The following MNAT1 variants were observed in gnomAD, a reference collection of about 807,000 sequenced individuals.
MNAT1 encodes the protein CDK-activating kinase assembly factor MAT1.
Under a neutral mutation model 42.0 loss-of-function variants are expected in MNAT1, and 43 were observed. The ratio of observed to expected loss-of-function variants is 1.02; its 90% CI spans 0.80 to 1.32. The LOEUF (loss-of-function observed/expected upper bound fraction) is 1.32, where lower values mean the gene tolerates loss of function less well. Ranked by LOEUF, MNAT1 falls within the 40% of genes most tolerant of loss-of-function variation. MNAT1 has a pLI of 0.00. For missense variants in MNAT1, 306 were observed against 350.4 expected, an observed-to-expected ratio of 0.87 and a Z score of 1.01; for synonymous variants, 118 against 120.0, an observed-to-expected ratio of 0.98 and a Z score of 0.11.
At chr14:60,871,685 C>T (rs941658429) in intron 6 of MNAT1, among the ~76,000 whole-genome samples, 3 of 151,606 alleles carry the variant, frequency 2.0e-5, no homozygotes, top group East Asian at 1.9e-4. Context: ...TGCAATGGTG[C>T]GATCTCGGCT....
At chr14:60,743,328 G>A (rs191844571) in intron 1 of MNAT1, among the ~76,000 whole-genome samples, 53 of 150,316 alleles carry the variant, frequency 3.5e-4, no homozygotes, top group African/African-American at 1.2e-3. Context: ...TTGCTCTGTC[G>A]CCCAGGCTGG....
chr14:60,832,269 TG>T (rs1182419327), intron 6 of MNAT1, among the ~76,000 whole-genome samples: 1 of 152,210 alleles, frequency 6.6e-6, no homozygotes, highest in Non-Finnish European at 1.5e-5. Flanking sequence ...ATGTCCTAAA[TG>T]ATATTACCTA....
intron 6 of MNAT1, among the ~76,000 whole-genome samples, chr14:60,862,240 G>T (rs1168337434): frequency 6.6e-6 from 1 of 152,156 alleles, no homozygotes; most frequent in Non-Finnish European, 1.5e-5. Context: ...TAAATATTAA[G>T]CAAGGAGAGT....
intron 6 of MNAT1, among the ~76,000 whole-genome samples, chr14:60,876,281 A>T (rs2139457972): frequency 6.6e-6 from 1 of 152,204 alleles, no homozygotes; most frequent in Non-Finnish European, 1.5e-5. Context: ...AAGGCTGTGG[A>T]ACATGGAGGT....
intron 6 of MNAT1, among the ~76,000 whole-genome samples, chr14:60,841,956 C>T (rs1236005973): frequency 1.3e-5 from 2 of 152,148 alleles, no homozygotes; most frequent in Non-Finnish European, 2.9e-5. Flanking sequence ...TTGTTTAATA[C>T]GTTGCTTTCC....
chr14:60,770,272 T>G (rs1299638476), intron 1 of MNAT1, among the ~76,000 whole-genome samples: 1 of 152,192 alleles, frequency 6.6e-6, no homozygotes, highest in African/African-American at 2.4e-5. Context: ...TTTCCTTTTT[T>G]AAAAGGTGCA....
At chr14:60,921,288 G>A (rs934115111) in intron 7 of MNAT1, among the ~76,000 whole-genome samples, 6 of 152,198 alleles carry the variant, frequency 3.9e-5, no homozygotes, top group Non-Finnish European at 7.4e-5. Flanking sequence ...AGTTATCTTG[G>A]AGTCACATGT....
At chr14:60,796,193 T>A (rs2032013309) in intron 1 of MNAT1, 24 bp from the exon 2 acceptor site, 1 of 1,596,502 alleles carries the variant, frequency 6.3e-7, no homozygotes. Context: ...GCTTAAATGT[T>A]ATGTTTTATT....
At chr14:60,795,778 G>A (rs970878604) in intron 1 of MNAT1, among the ~76,000 whole-genome samples, 1 of 152,098 alleles carries the variant, frequency 6.6e-6, no homozygotes, top group Non-Finnish European at 1.5e-5. Context: ...TTCTTACAAG[G>A]AAAGGAAGAA....
At chr14:60,886,497 G>A (rs2034673936) in intron 7 of MNAT1, among the ~76,000 whole-genome samples, 1 of 151,550 alleles carries the variant, frequency 6.6e-6, no homozygotes, top group South Asian at 2.1e-4. Flanking sequence ...TTAATCTTTT[G>A]ATTAGCCTTT....
chr14:60,809,716 A>G (rs528635024), intron 4 of MNAT1, among the ~76,000 whole-genome samples: 6 of 152,166 alleles, frequency 3.9e-5, no homozygotes, highest in African/African-American at 1.4e-4. Context: ...CTGCTTGGTT[A>G]TGTTGTATGA....
chr14:60,776,492 C>T (rs1191481359), intron 1 of MNAT1, among the ~76,000 whole-genome samples: 6 of 151,932 alleles, frequency 3.9e-5, no homozygotes, highest in Admixed American at 3.9e-4. Flanking sequence ...TGAGGATGTT[C>T]AAGTTGCCAA....
intron 6 of MNAT1, among the ~76,000 whole-genome samples, chr14:60,835,314 C>T (rs905690438): frequency 5.9e-5 from 9 of 152,064 alleles, no homozygotes; most frequent in Non-Finnish European, 1.2e-4. Context: ...TTATTTTGCC[C>T]GTTAGTTGAG....
intron 7 of MNAT1, among the ~76,000 whole-genome samples, chr14:60,942,416 G>C (rs1159008301): frequency 2.7e-5 from 4 of 150,820 alleles, no homozygotes; most frequent in African/African-American, 4.9e-5. Context: ...TCACAAGAAA[G>C]GGGCCCTTAT....
chr14:60,891,771 A>G (rs2034850541), intron 7 of MNAT1, among the ~76,000 whole-genome samples: 1 of 151,924 alleles, frequency 6.6e-6, no homozygotes, highest in African/African-American at 2.4e-5. Flanking sequence ...CTTGTTTTTT[A>G]ATGTTAGCAC....
chr14:60,742,241 AC>A (rs1339273658), intron 1 of MNAT1, among the ~76,000 whole-genome samples: 1 of 151,942 alleles, frequency 6.6e-6, no homozygotes. Flanking sequence ...GTGCACTGCC[AC>A]AGCCAGCTAA....
At chr14:60,922,707 G>C (rs900059956) in intron 7 of MNAT1, among the ~76,000 whole-genome samples, 1 of 152,076 alleles carries the variant, frequency 6.6e-6, no homozygotes, top group East Asian at 1.9e-4. Context: ...TTCTCTTAAG[G>C]CTAGGAAATA....
intron 7 of MNAT1, among the ~76,000 whole-genome samples, chr14:60,907,435 CAAAA>C (rs35266802): frequency 7.7e-5 from 5 of 65,082 alleles, no homozygotes; most frequent in Non-Finnish European, 9.8e-5. Flanking sequence ...TCTGTCTCAC[CAAAA>C]AAAAAAAAAA....
intron 7 of MNAT1, among the ~76,000 whole-genome samples, chr14:60,945,968 C>CT (rs1373446846): frequency 1.3e-5 from 2 of 152,202 alleles, no homozygotes; most frequent in African/African-American, 4.8e-5. Flanking sequence ...AAGCCACACT[C>CT]TAACTATAAA....
Sources: gnomAD v4.1 joint callset for allele counts (sites outside exome capture counted in the v4.1 genomes callset) on GRCh38, gnomAD v4.1.1 for gene constraint, MANE v1.5 for transcripts, NCBI Gene and HGNC (gene_info 2026-07-23, HGNC 2026-07-21) for gene names.